The following HNRNPA3 variants were observed in gnomAD, a reference collection of about 807,000 sequenced individuals.
HNRNPA3 encodes the protein heterogeneous nuclear ribonucleoprotein A3, also known as epididymis secretory sperm binding protein.
A neutral mutation model predicts 45.8 loss-of-function variants in HNRNPA3; 3 were observed. The observed-to-expected ratio is 0.07, with a 90% confidence interval of 0.03 to 0.17. The LOEUF (loss-of-function observed/expected upper bound fraction) is 0.17, where lower values mean the gene tolerates loss of function less well. Among genes scored for constraint, HNRNPA3 ranks in the 10% least tolerant of loss-of-function variants. HNRNPA3 has a pLI of 1.00. For missense variants in HNRNPA3, 183 were observed against 480.3 expected, an observed-to-expected ratio of 0.38 and a Z score of 5.79; for synonymous variants, 170 against 155.6, an observed-to-expected ratio of 1.09 and a Z score of -0.69.
chr2:177,223,273 CATT>C (rs998113312), downstream of HNRNPA3: 3 of 151,742 alleles, frequency 2.0e-5, no homozygotes, highest in African/African-American at 7.3e-5. Context: ...GTGAAGCAAA[CATT>C]TTTTTTTTAA....
intron 7 of HNRNPA3, among the ~76,000 whole-genome samples, chr2:177,217,220 T>C (rs1688979232): frequency 1.2e-5 from 1 of 81,094 alleles, no homozygotes; most frequent in South Asian, 4.8e-4. Flanking sequence ...ATTTTCTTTT[T>C]TACTATCAGA....
chr2:177,217,089 CT>C, intron 7 of HNRNPA3, 149 bp downstream of exon 7: 7 of 835,360 alleles, frequency 8.4e-6, no homozygotes, highest in Non-Finnish European at 8.8e-6. Context: ...AACAGGAACC[CT>C]TTTTCCCCTG....
downstream of HNRNPA3, chr2:177,221,286 C>G (rs1282210647): frequency 6.6e-6 from 1 of 152,550 alleles, no homozygotes; most frequent in Non-Finnish European, 1.5e-5. Flanking sequence ...ACCTGGGTAC[C>G]TGGTCAAAAT....
At chr2:177,221,600 G>C (rs1469836368), downstream of HNRNPA3, 2 of 152,614 alleles carry the variant, frequency 1.3e-5, no homozygotes, top group African/African-American at 4.8e-5. Flanking sequence ...CTTGTGAACA[G>C]TGTGGAAAAG....
In HNRNPA3 at chr2:177,217,895, C is replaced by G. The variant is rs370819713; in HGVS notation, c.961+50C>G. Reference sequence around the variant, plus strand: ...AATGTTAAATATTCAGTGTTGCTAACAGTTCCCATGACACATATTTGGAAA... The same window carrying G: ...AATGTTAAATATTCAGTGTTGCTAAGAGTTCCCATGACACATATTTGGAAA... On this transcript the variant is annotated intron_variant, in intron 8 of 10. Coordinates refer to ENST00000392524, the Ensembl canonical transcript of HNRNPA3. 8.5e-4 allele frequency: 1,241 copies of G among 1,465,096 alleles called. 2 individuals carry two copies. Among genetic ancestry groups the G allele is most frequent in the Middle Eastern group, 2.2e-3 (12 of 5,520 alleles). The allele number at this position is 1,465,096 out of a possible 1,614,324, so 90.8% of individuals were successfully genotyped here.
rs754689679 is a variant in HNRNPA3 at position 177,216,611 on chromosome 2, A to G, written c.643+19A>G. On this transcript the variant is annotated intron_variant, in intron 5 of 10. Coordinates refer to ENST00000392524, the Ensembl canonical transcript of HNRNPA3. ...CAGAGAGGTGAGTAGGACCATACAC[A>G]TGTATACAGTGGATATGAGTGGTGT... is the stretch of plus-strand genomic sequence containing the variant. 19 of 1,611,838 alleles carry G rather than the reference A, an allele frequency of 1.2e-5. No individual in the cohort carries two copies. Among genetic ancestry groups the G allele is most frequent in the East Asian group, 2.2e-5 (1 of 44,896 alleles).
At chr2:177,218,142 A>G (rs1558970674) in intron 8 of HNRNPA3, among the ~76,000 whole-genome samples, 1 of 143,628 alleles carries the variant, frequency 7.0e-6, no homozygotes, top group Non-Finnish European at 1.5e-5. Context: ...GCTCATTGCA[A>G]TCTCCGCCTC....
chr2:177,215,959 TA>T lies in HNRNPA3; in HGVS notation c.343-18del. ...TGTGAAAGTTTGTTTCTTGACTTAA[TA>T]TATTACTTTATTTGTAGGATTCTGT... On this transcript the variant is annotated intron_variant, in intron 3 of 10. Transcript: ENST00000392524. The T allele has an allele frequency of 6.2e-7, 1 of 1,600,422 alleles. No homozygotes were observed.
At chr2:177,219,524 A>G in exon 11 of HNRNPA3, 1 of 464,424 alleles carries the variant, frequency 2.2e-6, no homozygotes, top group Non-Finnish European at 3.8e-6. Context: ...AGAAGGAACG[A>G]TGATCCATAG....
downstream of HNRNPA3, chr2:177,222,451 A>G (rs1689222668): frequency 6.6e-6 from 1 of 152,140 alleles, no homozygotes; most frequent in Non-Finnish European, 1.5e-5. Context: ...TGTAAGCATG[A>G]CACACAACAG....
At chr2:177,219,367 C>G (rs1161800684) in intron 10 of HNRNPA3, 41 bp from the exon 11 acceptor site, 7 of 1,310,494 alleles carry the variant, frequency 5.3e-6, no homozygotes, top group African/African-American at 1.5e-5. Context: ...TGGAACTGTT[C>G]ACTGAGTGTA....
chr2:177,223,444 A>AT (rs1198853499), downstream of HNRNPA3: 2 of 152,244 alleles, frequency 1.3e-5, no homozygotes, highest in South Asian at 2.1e-4. Context: ...GATTTAACTG[A>AT]TTTTGTTAAA....
downstream of HNRNPA3, chr2:177,223,304 G>GT (rs1198230633): frequency 6.6e-6 from 1 of 151,278 alleles, no homozygotes; most frequent in African/African-American, 2.4e-5. Flanking sequence ...GTTCTTTCTA[G>GT]TTTATTTCTT....
chr2:177,217,512 C>G (rs1688996021), intron 7 of HNRNPA3, among the ~76,000 whole-genome samples, 193 bp from the exon 8 acceptor site: 1 of 152,238 alleles, frequency 6.6e-6, no homozygotes, highest in Admixed American at 6.5e-5. Context: ...TGCCCATAGT[C>G]TAGCTACTCA....
intron 8 of HNRNPA3, among the ~76,000 whole-genome samples, chr2:177,218,207 G>A (rs750918146): frequency 2.6e-5 from 4 of 151,872 alleles, no homozygotes; most frequent in African/African-American, 9.7e-5. Flanking sequence ...GACTACAGGC[G>A]TATGCCAGCA....
At position 177,213,281 on chromosome 2, in the gene HNRNPA3, C is replaced by T. The variant is rs1056235695; in HGVS notation, c.72+410C>T. 6.6e-5 allele frequency among the ~76,000 whole-genome samples: 10 copies of T among 152,188 alleles called. No homozygotes were observed. In the East Asian group the frequency reaches 1.5e-3, roughly 23 times the overall value. ...CGGCCACATTGACATTGATCCGCCG[C>T]CGCGTTACGAAATGGCGCATTGGCC... On this transcript the variant is annotated intron_variant, in intron 1 of 10. Transcript: ENST00000392524.
Position 177,215,206 on chromosome 2 carries a change from G to T in HNRNPA3, c.73-333G>T, listed in dbSNP as rs557249637. ...CAACCTCCGCCTCCTGGGTTTAAGC[G>T]ATTTTCCTTTCTCGAGTAGCTGGGA... On this transcript the variant is annotated intron_variant, in intron 1 of 10. Transcript: ENST00000392524. Among the ~76,000 whole-genome samples, 50 of 152,094 alleles carry T rather than the reference G, an allele frequency of 3.3e-4. 1 individual carries two copies. The highest frequency in any genetic ancestry group is 1.1e-3 in the African/African-American group (46 of 41,500).
intron 1 of HNRNPA3, 144 bp from the exon 2 acceptor site, chr2:177,215,395 C>G (rs1574239619): frequency 4.8e-6 from 4 of 838,088 alleles, no homozygotes; most frequent in Non-Finnish European, 3.8e-6. Context: ...GCGCCGGTGT[C>G]TGGTCAAAGT....
rs755548815 is a variant in HNRNPA3 at position 177,219,185 on chromosome 2, T to G, written c.1084+26T>G. On this transcript the variant is annotated intron_variant, in intron 9 of 10. Transcript: ENST00000392524. ...GTAAGTACTTTCTTAAATCAATTCTTTAGAGCCTTTTTAATTTAAAAAATG... is the reference window on the plus strand; with the variant it reads ...GTAAGTACTTTCTTAAATCAATTCTGTAGAGCCTTTTTAATTTAAAAAATG... 3.7e-6 allele frequency: 6 copies of G among 1,611,052 alleles called. No individual in the cohort carries two copies. In the Admixed American group the frequency reaches 6.7e-5, roughly 18 times the overall value.
Sources: allele counts gnomAD v4.1 joint callset (sites outside exome capture counted in the v4.1 genomes callset), GRCh38; gene constraint gnomAD v4.1.1; transcripts MANE v1.5; gene names NCBI Gene and HGNC (gene_info 2026-07-23, HGNC 2026-07-21).